PDZD7: variants seen among roughly 807,000 people sequenced by gnomAD.
PDZD7 encodes PDZ domain containing 7, also known as PDZ domain-containing protein 7.
PDZD7 carries 72 observed loss-of-function variants against 84.7 expected under a neutral mutation model. The observed-to-expected ratio is 0.85, with a 90% CI of 0.70 to 1.03. The LOEUF (loss-of-function observed/expected upper bound fraction) is 1.03. Ranked by LOEUF, PDZD7 falls within the 50% of genes least tolerant of loss-of-function variation. The pLI is 0.00. For synonymous variants in PDZD7, 594 were observed against 580.7 expected (o/e 1.02, Z -0.33); for missense variants, 1,490 against 1,412.9 (o/e 1.05, Z -0.87).
chr10:101,029,556 T>C (rs768211829), intron 2 of PDZD7, among the ~76,000 whole-genome samples: 32 of 152,316 alleles, frequency 2.1e-4, no homozygotes, highest in Non-Finnish European at 3.5e-4. Context: ...GGGCACTGAC[T>C]CCTCGCAGCC....
chr10:101,013,032 C>CG (rs1159442049), intron 11 of PDZD7, among the ~76,000 whole-genome samples: 12 of 152,194 alleles, frequency 7.9e-5, no homozygotes, highest in South Asian at 2.1e-4. Flanking sequence ...GTCAGGGACA[C>CG]GCACGCATAG....
rs1307619218 is a variant in PDZD7, at chr10:101,017,867, GAAAGAAAGAAAGAAAGAAAGAAAGA to G, written c.1522+207_1522+231del. On this transcript the variant is annotated intron_variant, in intron 9 of 16. Coordinates refer to ENST00000619208, the MANE Select transcript of PDZD7 (RefSeq NM_001195263.2). ...AGAAAGAAAGAAAGAAAGAAAGAAAGAAAGAAAGAAAGAAAGAAAGAAAGAAAAGAAAGAAAGAAAGAAAGAAAAG... is the reference window on the plus strand; with the variant it reads ...AGAAAGAAAGAAAGAAAGAAAGAAAGAAAGAAAGAAAGAAAGAAAGAAAAG... The G allele has an allele frequency of 1.8e-3, 754 of 418,394 alleles. 12 individuals carry two copies. The highest frequency in any genetic ancestry group is 3.1e-3 in the Middle Eastern group (5 of 1,618). 25.9% of individuals were successfully genotyped at this position (418,394 alleles called of 1,614,324 possible).
chr10:101,018,779 C>T (rs769707366), intron 8 of PDZD7, 43 bp downstream of exon 8: 1 of 1,538,114 alleles, frequency 6.5e-7, no homozygotes, highest in East Asian at 2.3e-5. Flanking sequence ...GGTTTTGGAC[C>T]AGAGGCTGTG....
At chr10:101,022,448 AGCAGTTCTGACAACT>A in intron 4 of PDZD7, 63 bp from the exon 5 acceptor site, 2 of 1,597,772 alleles carry the variant, frequency 1.3e-6, no homozygotes, top group East Asian at 4.5e-5. Context: ...CCACCCTCCC[AGCAGTTCTGACAACT>A]GCAGGGAAAG....
At position 101,012,004 on chromosome 10, in the gene PDZD7, G is replaced by A. The variant is rs1852409621; in HGVS notation, c.1854C>T (p.Ala618=). 6 of 1,550,446 alleles carry A rather than the reference G, an allele frequency of 3.9e-6. No individual in the cohort carries two copies. The highest frequency in any genetic ancestry group is 5.2e-6 in the Non-Finnish European group (6 of 1,146,916). Residue 618 remains alanine (A), a synonymous_variant, in exon 13 of 17, where the codon GCC becomes GCT. Coordinates refer to ENST00000619208, the MANE Select transcript of PDZD7 (RefSeq NM_001195263.2). ...TGTCGAAGCGGCCCAGGTCTGTGGG[G>A]GCCACCACACTCCTGGGAGAGGGCG... is the stretch of plus-strand genomic sequence containing the variant. ...LLLQDIRSVV[A]PTDLGRFDSM...
chr10:101,012,360 C>G, intron 11 of PDZD7, 102 bp from the exon 12 acceptor site: 10 of 971,020 alleles, frequency 1.0e-5, no homozygotes, highest in Non-Finnish European at 1.6e-5. Flanking sequence ...CATGTAGGGA[C>G]CTATCCAGCC....
chr10:101,026,878 G>A (rs1055721527), intron 2 of PDZD7, among the ~76,000 whole-genome samples: 1 of 151,976 alleles, frequency 6.6e-6, no homozygotes, highest in African/African-American at 2.4e-5. Context: ...TTCAGCCTTA[G>A]CCAAGGAGCC....
At chr10:101,011,376 T>A (rs1262435875) in intron 14 of PDZD7, 2 of 564,038 alleles carry the variant, frequency 3.5e-6, no homozygotes, top group Non-Finnish European at 2.6e-6. Context: ...CTGGAATCGT[T>A]ACCGTTCTAT....
chr10:101,019,121 A>C lies in PDZD7; in HGVS notation c.1025T>G (p.Leu342Arg), dbSNP rs747243952. 3.9e-6 allele frequency: 6 copies of C among 1,549,100 alleles called. No homozygotes were observed. The South Asian group carries it at 7.1e-5, about 18-fold the overall frequency. The change falls in exon 8 of 17, where the codon CTG (leucine) becomes CGG (arginine). Residue 342 changes from leucine to arginine, a missense_variant. By Grantham distance (102) the Leu-to-Arg change is moderately radical (BLOSUM62 -2). Transcript: ENST00000619208. ...ASSAPYSSGS[L>R]PSDRMDICLG... ...GCAGATGTCCATGCGGTCCGACGGC[A>C]GGGAGCCCGAGCTGTAGGGGGCGCT...
chr10:101,011,517 G>C, intron 14 of PDZD7, 173 bp downstream of exon 14: 1 of 1,433,716 alleles, frequency 7.0e-7, no homozygotes, highest in Non-Finnish European at 9.1e-7. Context: ...TACAGGTGGT[G>C]ACCAGCAGAT....
chr10:101,011,001 G>C, intron 14 of PDZD7, 118 bp from the exon 15 acceptor site: 2 of 1,500,768 alleles, frequency 1.3e-6, no homozygotes, highest in Admixed American at 2.2e-5. Flanking sequence ...CACCACTGCA[G>C]TGCGGCCCAC....
rs751994539 is a variant in PDZD7 at position 101,018,262 on chromosome 10, C to G, written c.1359G>C (p.Gly453=). The G allele has an allele frequency of 4.3e-6, 7 of 1,613,896 alleles. No homozygotes were observed. The highest frequency in any genetic ancestry group is 1.3e-5 in the African/African-American group (1 of 74,912). The stretch of plus-strand genomic sequence containing the variant: ...GCAGGGCACCCTTCTCCCCAGGGGA[C>G]CCCGACTTCTCCTTCTTCCGCTGCT... ...EKQQRKKEKS[G]SPGEKGALQR... Residue 453 remains glycine, a synonymous_variant, in exon 9 of 17, where the codon GGG becomes GGC. Transcript: ENST00000619208.
intron 5 of PDZD7, 40 bp from the exon 6 acceptor site, chr10:101,021,985 T>C: frequency 6.2e-7 from 1 of 1,610,662 alleles, no homozygotes; most frequent in Non-Finnish European, 8.5e-7. Context: ...GCCCCTGGCC[T>C]GCCCTCCGTT....
intron 4 of PDZD7, among the ~76,000 whole-genome samples, chr10:101,022,913 C>T (rs1414645305): frequency 6.6e-6 from 1 of 152,066 alleles, no homozygotes; most frequent in Non-Finnish European, 1.5e-5. Flanking sequence ...GCTGGGATTA[C>T]AGGCATGCTC....
rs1383957236 is a variant in PDZD7 at position 101,023,436 on chromosome 10, C to A, written c.542G>T (p.Trp181Leu). Reference protein sequence around the residue: ...GIKFSKEKTTWVDVVNRRLVV... With the variant: ...GIKFSKEKTTLVDVVNRRLVV... ...CTAGGATGAGGGAGTTGCTGCTCAC[C>A]ACGTGGTCTTCTCCTTGGAGAACTT... Residue 181 changes from tryptophan to leucine, a missense_variant and splice_region_variant, in exon 4 of 17, where the codon TGG becomes TTG. Coordinates refer to ENST00000619208, the MANE Select transcript of PDZD7 (RefSeq NM_001195263.2). 1 of 1,613,894 alleles carries A rather than the reference C, an allele frequency of 6.2e-7. No individual in the cohort carries two copies. Among genetic ancestry groups the A allele is most frequent in the African/African-American group, 1.3e-5 (1 of 74,870 alleles).
At position 101,008,706 on chromosome 10, in the gene PDZD7, G is replaced by A. The variant is rs567692834; in HGVS notation, c.2863C>T (p.Arg955Trp). 174 of 1,535,856 alleles carry A rather than the reference G, an allele frequency of 1.1e-4. No homozygotes were observed. Among genetic ancestry groups the A allele is most frequent in the South Asian group, 4.5e-4 (38 of 84,058 alleles). Reference protein sequence around the residue: ...LVVRVPGPSPRPSPSDSSALT... With the variant: ...LVVRVPGPSPWPSPSDSSALT... ...GCTGATGAGTCAGAGGGTGAGGGCC[G>A]TGGGCTGGGCCCGGGGACCCTGACC... The change falls in exon 17 of 17, where the codon CGG becomes TGG. Residue 955 changes from arginine (R) to tryptophan (W), a missense_variant. Physicochemically the swap from Arg to Trp is moderately radical, Grantham distance 101 (BLOSUM62 -3). Coordinates refer to ENST00000619208, the MANE Select transcript of PDZD7 (RefSeq NM_001195263.2).
chr10:101,017,600 G>A (rs1340503827), intron 9 of PDZD7: 2 of 701,476 alleles, frequency 2.9e-6, no homozygotes, highest in Non-Finnish European at 2.6e-6. Context: ...TGGGCAACAG[G>A]GTGAAACCCC....
At position 101,018,854 on chromosome 10, in the gene PDZD7, A is replaced by G; in HGVS notation, c.1292T>C (p.Ile431Thr). The change falls in exon 8 of 17, where the codon ATC (isoleucine) becomes ACC (threonine). Residue 431 changes from isoleucine to threonine, a missense_variant. Transcript: ENST00000619208. ...GGTCAGATAGCTCTGGGAGCGCGTG[A>G]TGGGGGGCCGGGGTCGGCTGAGGGC... ...LLALSRPRPPITRSQSYLTLW... is the reference protein window; with the variant it reads ...LLALSRPRPPTTRSQSYLTLW... The G allele has an allele frequency of 4.4e-6, 7 of 1,603,568 alleles. No homozygotes were observed. Among genetic ancestry groups the G allele is most frequent in the Non-Finnish European group, 6.0e-6 (7 of 1,174,972 alleles).
Position 101,018,802 on chromosome 10 carries a change from G to A in PDZD7, c.1324+20C>T, listed in dbSNP as rs571875053. 10 of 1,568,676 alleles carry A rather than the reference G, an allele frequency of 6.4e-6. No individual in the cohort carries two copies. The Admixed American group carries it at 1.1e-4, about 17-fold the overall frequency. ...ACCAGAGGCTGTGGAGGGAGCAGCCGCCACCCATCCCCCACGTACCCCACA... is the reference window on the plus strand; with the variant it reads ...ACCAGAGGCTGTGGAGGGAGCAGCCACCACCCATCCCCCACGTACCCCACA... On this transcript the variant is annotated intron_variant, in intron 8 of 16. Transcript: ENST00000619208.
Sources: gnomAD v4.1 joint callset for allele counts (sites outside exome capture counted in the v4.1 genomes callset) on GRCh38, gnomAD v4.1.1 for gene constraint, MANE v1.5 for transcripts, NCBI Gene and HGNC (gene_info 2026-07-23, HGNC 2026-07-21) for gene names.